The following PARD3B variants were observed in gnomAD, a reference collection of about 807,000 sequenced individuals.
PARD3B encodes the protein partitioning defective 3 homolog B.
A neutral mutation model predicts 130.2 loss-of-function variants in PARD3B; 103 were observed. The ratio of observed to expected loss-of-function variants is 0.79; its 90% CI spans 0.67 to 0.93. PARD3B has a LOEUF of 0.93. PARD3B is among the 40% of genes least tolerant of loss of function. The pLI, the probability that PARD3B is intolerant of heterozygous loss-of-function variation, is 0.00. For missense variants in PARD3B, 1,609 were observed against 1,499.2 expected (o/e 1.07, Z -1.21); for synonymous variants, 583 against 553.2 (o/e 1.05, Z -0.76).
intron 15 of PARD3B, among the ~76,000 whole-genome samples, chr2:205,212,304 A>G (rs779069102): frequency 2.0e-4 from 31 of 152,140 alleles, no homozygotes; most frequent in Non-Finnish European, 3.5e-4. Context: ...GCTCACAACC[A>G]TTAGTGCATG....
chr2:205,254,805 C>CA (rs771191237), intron 16 of PARD3B, among the ~76,000 whole-genome samples: 22 of 151,326 alleles, frequency 1.5e-4, no homozygotes, highest in Non-Finnish European at 2.9e-4. Flanking sequence ...GCTGGGACTA[C>CA]AGGCGCCCGC....
chr2:205,248,186 A>T (rs1453027297), intron 16 of PARD3B, among the ~76,000 whole-genome samples: 1 of 152,080 alleles, frequency 6.6e-6, no homozygotes, highest in African/African-American at 2.4e-5. Context: ...CAAGCAATCC[A>T]CCTGCCTTAG....
intron 10 of PARD3B, among the ~76,000 whole-genome samples, chr2:205,152,180 C>T (rs1404082905): frequency 6.6e-6 from 1 of 152,176 alleles, no homozygotes; most frequent in Non-Finnish European, 1.5e-5. Flanking sequence ...CTTTCTCTGG[C>T]TGCCCTTAAC....
intron 1 of PARD3B, among the ~76,000 whole-genome samples, chr2:204,596,232 C>T (rs942132896): frequency 2.0e-5 from 3 of 152,154 alleles, no homozygotes; most frequent in Admixed American, 6.6e-5. Flanking sequence ...CAAACTCATA[C>T]AAATAGAATA....
At chr2:204,987,857 T>C (rs1273393581) in intron 3 of PARD3B, among the ~76,000 whole-genome samples, 2 of 152,116 alleles carry the variant, frequency 1.3e-5, no homozygotes, top group Non-Finnish European at 2.9e-5. Flanking sequence ...CATTAGCTTT[T>C]TGGGGGGAAT....
intron 2 of PARD3B, among the ~76,000 whole-genome samples, chr2:204,759,102 CCTT>C (rs2040795590): frequency 6.6e-6 from 1 of 152,080 alleles, no homozygotes; most frequent in South Asian, 2.1e-4. Context: ...TCCTGATTGT[CCTT>C]CTTCTTGTAA....
At chr2:205,050,446 C>CATTCCAT (rs1179329802) in intron 4 of PARD3B, among the ~76,000 whole-genome samples, 1 of 151,514 alleles carries the variant, frequency 6.6e-6, no homozygotes, top group Non-Finnish European at 1.5e-5. Context: ...CTTGCATAGC[C>CATTCCAT]AAACTTATGG....
intron 2 of PARD3B, among the ~76,000 whole-genome samples, chr2:204,725,851 G>T (rs1364539258): frequency 1.3e-5 from 2 of 152,164 alleles, no homozygotes; most frequent in Non-Finnish European, 2.9e-5. Flanking sequence ...GGACAATTCT[G>T]ATATGATTCC....
chr2:205,127,557 A>C (rs2031584964), intron 10 of PARD3B, among the ~76,000 whole-genome samples: 1 of 152,124 alleles, frequency 6.6e-6, no homozygotes, highest in Non-Finnish European at 1.5e-5. Flanking sequence ...CAAATATGTA[A>C]AGAGTTATTG....
chr2:205,064,388 C>T (rs1294463838), intron 4 of PARD3B, among the ~76,000 whole-genome samples: 3 of 152,132 alleles, frequency 2.0e-5, no homozygotes, highest in African/African-American at 7.2e-5. Context: ...TCTTCCTCCA[C>T]ATTGGGGAGA....
At chr2:204,685,369 G>A (rs761635392) in intron 1 of PARD3B, among the ~76,000 whole-genome samples, 8 of 152,220 alleles carry the variant, frequency 5.3e-5, no homozygotes, top group Non-Finnish European at 7.4e-5. Context: ...TCATTCATTG[G>A]TTCATGTTCT....
rs116192164 is a variant in PARD3B, at chr2:205,370,141, C to T, written c.2631-30872C>T. On this transcript the variant is annotated intron_variant, in intron 18 of 22. Transcript: ENST00000406610. ...AGGCAGGAGTCACTTAGTCATTTTC[C>T]ACTTTGCTTTCTAGTTGTCTTAATG... Among the ~76,000 whole-genome samples the T allele has an allele frequency of 4.8e-3, 732 of 152,250 alleles. 8 individuals carry two copies. The highest frequency in any genetic ancestry group is 0.017 in the African/African-American group (686 of 41,554).
At chr2:205,237,505 A>G (rs1181477388) in intron 15 of PARD3B, among the ~76,000 whole-genome samples, 2 of 152,254 alleles carry the variant, frequency 1.3e-5, no homozygotes, top group Admixed American at 1.3e-4. Flanking sequence ...TGAAATTATC[A>G]TACCAGAAAG....
At chr2:205,419,111 C>G (rs910463168) in intron 19 of PARD3B, among the ~76,000 whole-genome samples, 1 of 152,100 alleles carries the variant, frequency 6.6e-6, no homozygotes, top group Non-Finnish European at 1.5e-5. Context: ...CCACCCAAAT[C>G]TCATCTTGAA....
intron 16 of PARD3B, among the ~76,000 whole-genome samples, chr2:205,275,572 G>T (rs942644728): frequency 6.6e-5 from 10 of 151,988 alleles, no homozygotes; most frequent in African/African-American, 2.4e-4. Context: ...GGGTGTGGTG[G>T]CTCACACCTG....
chr2:205,560,511 G>A (rs189018962), intron 22 of PARD3B, among the ~76,000 whole-genome samples: 45 of 152,124 alleles, frequency 3.0e-4, no homozygotes, highest in African/African-American at 1.0e-3. Context: ...AAAAAACAGT[G>A]TCTGCAAATT....
chr2:205,449,108 G>A (rs1380474788), intron 20 of PARD3B, among the ~76,000 whole-genome samples: 6 of 143,332 alleles, frequency 4.2e-5, no homozygotes, highest in African/African-American at 1.5e-4. Context: ...GCAGGTTGCA[G>A]TCAGCCAAGA....
chr2:205,032,827 A>G (rs1372020031), intron 3 of PARD3B, among the ~76,000 whole-genome samples: 2 of 152,198 alleles, frequency 1.3e-5, no homozygotes, highest in East Asian at 3.9e-4. Context: ...GAATGATCCA[A>G]TAAAAGGTAA....
chr2:204,955,868 T>A (rs572464353), intron 2 of PARD3B, among the ~76,000 whole-genome samples: 27 of 152,324 alleles, frequency 1.8e-4, no homozygotes, highest in African/African-American at 6.5e-4. Context: ...TGACAAGTGA[T>A]GATACAGTCA....
Sources: allele counts gnomAD v4.1 joint callset (sites outside exome capture counted in the v4.1 genomes callset), GRCh38; gene constraint gnomAD v4.1.1; transcripts MANE v1.5; gene names NCBI Gene and HGNC (gene_info 2026-07-23, HGNC 2026-07-21).